Variants in KCNQ5 observed in about 807,000 individuals in gnomAD.
KCNQ5 encodes potassium voltage-gated channel subfamily Q member 5, also known as potassium voltage-gated channel subfamily KQT member 5.
KCNQ5 carries 30 observed loss-of-function variants against 98.2 expected under a neutral mutation model. The observed-to-expected ratio is 0.31, with a 90% CI of 0.23 to 0.41. The LOEUF is 0.41. KCNQ5 is among the 10% of genes least tolerant of loss of function. The probability of loss-of-function intolerance (pLI) is 1.00; values close to 1 mark genes in which losing one functional copy is unlikely to be tolerated. For synonymous variants in KCNQ5, 458 were observed against 449.4 expected (o/e 1.02, Z -0.24); for missense variants, 835 against 1,182.5 (o/e 0.71, Z 4.31).
At chr6:72,961,108 G>T (rs1767323140) in intron 1 of KCNQ5, among the ~76,000 whole-genome samples, 1 of 152,158 alleles carries the variant, frequency 6.6e-6, no homozygotes, top group Admixed American at 6.5e-5. Context: ...TGTCTCCAAA[G>T]TTACTATTCT....
At chr6:72,680,967 C>A (rs1767675054) in intron 1 of KCNQ5, among the ~76,000 whole-genome samples, 1 of 152,158 alleles carries the variant, frequency 6.6e-6, no homozygotes, top group Admixed American at 6.6e-5. Flanking sequence ...CACTAGACTG[C>A]AATTACTTAC....
intron 1 of KCNQ5, among the ~76,000 whole-genome samples, chr6:72,827,764 T>G (rs749329018): frequency 5.3e-5 from 8 of 152,144 alleles, no homozygotes; most frequent in Non-Finnish European, 1.2e-4. Flanking sequence ...TTGCTTTTGT[T>G]TCCTGTGCTT....
chr6:73,119,121 T>C (rs1775640029), intron 7 of KCNQ5, among the ~76,000 whole-genome samples: 1 of 152,212 alleles, frequency 6.6e-6, no homozygotes, highest in East Asian at 1.9e-4. Context: ...CTGGAGTAAA[T>C]ACCTGGCCAT....
At chr6:72,877,179 G>A (rs1020015478) in intron 1 of KCNQ5, among the ~76,000 whole-genome samples, 1 of 152,058 alleles carries the variant, frequency 6.6e-6, no homozygotes, top group African/African-American at 2.4e-5. Context: ...AGCCCCGCAT[G>A]CATTAGGCAT....
chr6:72,790,985 G>A (rs545955373), intron 1 of KCNQ5, among the ~76,000 whole-genome samples: 70 of 152,250 alleles, frequency 4.6e-4, no homozygotes, highest in African/African-American at 1.6e-3. Context: ...TGGCACACAT[G>A]GGGGGAAATC....
chr6:72,803,540 T>C (rs1774775320), intron 1 of KCNQ5, among the ~76,000 whole-genome samples: 1 of 152,170 alleles, frequency 6.6e-6, no homozygotes, highest in Admixed American at 6.6e-5. Flanking sequence ...CTACAGGCAC[T>C]GGATCTGTCC....
intron 1 of KCNQ5, among the ~76,000 whole-genome samples, chr6:72,673,260 G>T (rs1767231930): frequency 1.3e-5 from 2 of 152,068 alleles, no homozygotes; most frequent in Non-Finnish European, 2.9e-5. Flanking sequence ...GTGGGCAAGG[G>T]AACTTCTTAT....
At chr6:72,790,888 C>G (rs917656039) in intron 1 of KCNQ5, among the ~76,000 whole-genome samples, 2 of 152,090 alleles carry the variant, frequency 1.3e-5, no homozygotes, top group Non-Finnish European at 2.9e-5. Flanking sequence ...GTTTATTCAA[C>G]AAAGGGTTTT....
intron 1 of KCNQ5, among the ~76,000 whole-genome samples, chr6:72,644,213 C>T (rs1225415776): frequency 6.6e-6 from 1 of 152,130 alleles, no homozygotes; most frequent in African/African-American, 2.4e-5. Context: ...TTGGTCATAA[C>T]ATTTTCATCA....
chr6:72,951,777 G>A (rs1766820282), intron 1 of KCNQ5, among the ~76,000 whole-genome samples: 1 of 152,250 alleles, frequency 6.6e-6, no homozygotes, highest in African/African-American at 2.4e-5. Context: ...TGAGAATTAT[G>A]TATTACGTAC....
chr6:72,804,523 G>A (rs147624542), intron 1 of KCNQ5, among the ~76,000 whole-genome samples: 65 of 152,044 alleles, frequency 4.3e-4, no homozygotes, highest in Non-Finnish European at 6.9e-4. Context: ...TTTATAGCCC[G>A]GTAGTACTCT....
chr6:72,776,665 A>C (rs151271113), intron 1 of KCNQ5, among the ~76,000 whole-genome samples: 1 of 152,192 alleles, frequency 6.6e-6, no homozygotes, highest in Admixed American at 6.6e-5. Flanking sequence ...CCAAGGTCAT[A>C]ATAAATTTGT....
chr6:73,081,922 AG>A (rs1773791091), intron 5 of KCNQ5, among the ~76,000 whole-genome samples: 1 of 152,216 alleles, frequency 6.6e-6, no homozygotes, highest in African/African-American at 2.4e-5. Flanking sequence ...AAACACACGA[AG>A]GTGCCCCCAC....
intron 3 of KCNQ5, among the ~76,000 whole-genome samples, chr6:73,050,596 C>T (rs76109833): frequency 0.017 from 2,540 of 152,154 alleles, 62 homozygotes; most frequent in African/African-American, 0.056. Flanking sequence ...TTTTTACATG[C>T]GCTCAATTTT....
At chr6:73,082,480 A>G (rs892875986) in intron 5 of KCNQ5, among the ~76,000 whole-genome samples, 6 of 152,214 alleles carry the variant, frequency 3.9e-5, no homozygotes, top group Admixed American at 3.3e-4. Context: ...TATCCAGTGC[A>G]TGTTCACCAG....
intron 1 of KCNQ5, among the ~76,000 whole-genome samples, chr6:72,870,033 C>T (rs545195323): frequency 6.6e-6 from 1 of 152,174 alleles, no homozygotes; most frequent in Non-Finnish European, 1.5e-5. Context: ...CAAAATTTCA[C>T]CTGCACATGC....
At chr6:73,022,655 TCTAAG>T (rs1157742539) in intron 2 of KCNQ5, among the ~76,000 whole-genome samples, 2 of 152,100 alleles carry the variant, frequency 1.3e-5, no homozygotes, top group Non-Finnish European at 2.9e-5. Context: ...GCCCACTAGT[TCTAAG>T]TTAAGTGCCC....
At chr6:72,762,582 GAAAA>G (rs1481588364) in intron 1 of KCNQ5, among the ~76,000 whole-genome samples, 1 of 152,036 alleles carries the variant, frequency 6.6e-6, no homozygotes, top group Non-Finnish European at 1.5e-5. Context: ...ACATCAGGAC[GAAAA>G]GGTGGTGTAG....
intron 1 of KCNQ5, among the ~76,000 whole-genome samples, chr6:72,680,674 A>T (rs928885754): frequency 1.3e-5 from 2 of 152,198 alleles, no homozygotes; most frequent in African/African-American, 4.8e-5. Context: ...TTTGCTTCTC[A>T]TTACTTTGCC....
Sources: gnomAD v4.1 joint callset for allele counts (sites outside exome capture counted in the v4.1 genomes callset) on GRCh38, gnomAD v4.1.1 for gene constraint, MANE v1.5 for transcripts, NCBI Gene and HGNC (gene_info 2026-07-23, HGNC 2026-07-21) for gene names.